Variants in CAMK2D observed in about 807,000 individuals in gnomAD.
The protein encoded by CAMK2D is calcium/calmodulin-dependent protein kinase type II subunit delta.
A neutral mutation model predicts 84.0 loss-of-function variants in CAMK2D; 37 were observed. The ratio of observed to expected loss-of-function variants is 0.44; its 90% CI spans 0.34 to 0.58. The LOEUF is 0.58. Ranked by LOEUF, CAMK2D falls within the 20% of genes least tolerant of loss-of-function variation. CAMK2D has a pLI of 0.02. For missense variants in CAMK2D, 448 were observed against 652.5 expected, an observed-to-expected ratio of 0.69 and a Z score of 3.41; for synonymous variants, 202 against 212.5, an observed-to-expected ratio of 0.95 and a Z score of 0.43.
At chr4:113,714,846 A>G (rs530711385) in intron 2 of CAMK2D, among the ~76,000 whole-genome samples, 1 of 152,300 alleles carries the variant, frequency 6.6e-6, no homozygotes, top group African/African-American at 2.4e-5. Context: ...TCTGTCTTAT[A>G]TCAGTACCAG....
intron 4 of CAMK2D, among the ~76,000 whole-genome samples, chr4:113,606,600 A>G (rs1009679609): frequency 6.6e-6 from 1 of 152,118 alleles, no homozygotes; most frequent in Non-Finnish European, 1.5e-5. Flanking sequence ...AGACTACGGG[A>G]AAACTACAAC....
intron 8 of CAMK2D, among the ~76,000 whole-genome samples, chr4:113,522,170 ATAAT>A (rs1217831951): frequency 2.6e-5 from 4 of 152,216 alleles, no homozygotes; most frequent in African/African-American, 9.6e-5. Context: ...AATCTTGTTA[ATAAT>A]TAAACATTCT....
intron 4 of CAMK2D, among the ~76,000 whole-genome samples, chr4:113,576,967 T>A (rs1159990161): frequency 6.6e-6 from 1 of 152,166 alleles, no homozygotes; most frequent in Non-Finnish European, 1.5e-5. Flanking sequence ...TTAGTATTCA[T>A]TTCATTTCAA....
At chr4:113,755,173 TACACACACAC>T (rs59818897) in intron 2 of CAMK2D, 13 of 163,724 alleles carry the variant, frequency 7.9e-5, no homozygotes, top group African/African-American at 1.1e-4. Flanking sequence ...TACTTAGGGA[TACACACACAC>T]ACACACACAC....
Position 113,513,752 on chromosome 4 carries a change from G to C in CAMK2D, c.903+78C>G, listed in dbSNP as rs56725993. ...TCTACATAATTGAAAGCCTTTGCTA[G>C]AAGTTATTTTCCTCACACAGTATTT... On this transcript the variant is annotated intron_variant, in intron 11 of 20. Coordinates refer to ENST00000511664, the MANE Select transcript of CAMK2D (RefSeq NM_001321571.2). 2.5e-3 allele frequency: 1,734 copies of C among 689,926 alleles called. 19 individuals carry two copies. The African/African-American group carries it at 0.028, about 11-fold the overall frequency. 42.7% of individuals were successfully genotyped at this position (689,926 alleles called of 1,614,324 possible).
At chr4:113,576,351 ATTAC>A (rs1165231813) in intron 4 of CAMK2D, among the ~76,000 whole-genome samples, 2 of 152,024 alleles carry the variant, frequency 1.3e-5, no homozygotes, top group African/African-American at 4.8e-5. Flanking sequence ...AACAGTCAGA[ATTAC>A]TTTAATGAAA....
intron 2 of CAMK2D, among the ~76,000 whole-genome samples, chr4:113,718,401 A>G (rs979523945): frequency 3.3e-4 from 50 of 152,288 alleles, no homozygotes; most frequent in Middle Eastern, 6.8e-3. Context: ...GGTGGCCACA[A>G]GACCAGATGA....
chr4:113,463,581 G>A (rs2097419851), intron 17 of CAMK2D, among the ~76,000 whole-genome samples: 1 of 152,126 alleles, frequency 6.6e-6, no homozygotes, highest in African/African-American at 2.4e-5. Context: ...TCTCCATGCT[G>A]GTCAGGCTGG....
At chr4:113,543,124 T>C (rs950234385) in intron 6 of CAMK2D, among the ~76,000 whole-genome samples, 8 of 152,220 alleles carry the variant, frequency 5.3e-5, no homozygotes, top group African/African-American at 1.9e-4. Context: ...ACACAGTTAT[T>C]TGAAAAAGCA....
chr4:113,641,438 A>G (rs1410023975), intron 3 of CAMK2D, among the ~76,000 whole-genome samples: 2 of 152,214 alleles, frequency 1.3e-5, no homozygotes, highest in Non-Finnish European at 1.5e-5. Flanking sequence ...AGTTGAGAAA[A>G]TTAAATAAGA....
At chr4:113,623,556 T>C (rs2099055613) in intron 3 of CAMK2D, among the ~76,000 whole-genome samples, 1 of 152,122 alleles carries the variant, frequency 6.6e-6, no homozygotes, top group Admixed American at 6.6e-5. Context: ...TATATGGTAG[T>C]GTATTTCTCC....
chr4:113,537,184 CA>C (rs111294531), intron 7 of CAMK2D, among the ~76,000 whole-genome samples, 156 bp downstream of exon 7: 3,722 of 152,122 alleles, frequency 0.024, 126 homozygotes, highest in African/African-American at 0.084. Flanking sequence ...TTTATGTCAA[CA>C]AAATTAAATG....
At chr4:113,729,669 T>C (rs1300513921) in intron 2 of CAMK2D, among the ~76,000 whole-genome samples, 1 of 152,192 alleles carries the variant, frequency 6.6e-6, no homozygotes, top group Non-Finnish European at 1.5e-5. Context: ...TGAAAGTCTG[T>C]GTCCCCTCAA....
At chr4:113,465,447 A>T (rs1156369054) in intron 17 of CAMK2D, 82 bp downstream of exon 17, 1 of 810,142 alleles carries the variant, frequency 1.2e-6, no homozygotes, top group Admixed American at 2.2e-5. Context: ...ATATATGTGA[A>T]TTCAGACATG....
chr4:113,655,523 A>T (rs1426773868), intron 3 of CAMK2D, among the ~76,000 whole-genome samples: 1 of 152,126 alleles, frequency 6.6e-6, no homozygotes, highest in Non-Finnish European at 1.5e-5. Context: ...ATAATGGGAA[A>T]CGCTTACCTT....
intron 3 of CAMK2D, among the ~76,000 whole-genome samples, chr4:113,622,839 T>C (rs2099051879): frequency 6.6e-6 from 1 of 152,232 alleles, no homozygotes; most frequent in South Asian, 2.1e-4. Context: ...AATGACATGA[T>C]GAAACACTGT....
At chr4:113,565,692 T>C (rs961845724) in intron 4 of CAMK2D, among the ~76,000 whole-genome samples, 1 of 150,046 alleles carries the variant, frequency 6.7e-6, no homozygotes. Flanking sequence ...AAACGAATAA[T>C]TGAACACACG....
rs369267820 is a variant in CAMK2D at position 113,494,673 on chromosome 4, T to C, written c.1135+5790A>G. Among the ~76,000 whole-genome samples, 29 of 152,332 alleles carry C rather than the reference T, an allele frequency of 1.9e-4. No homozygotes were observed. In the East Asian group the frequency reaches 4.2e-3, roughly 22 times the overall value. On this transcript the variant is annotated intron_variant, in intron 16 of 20. Coordinates refer to ENST00000511664, the MANE Select transcript of CAMK2D (RefSeq NM_001321571.2). ...TGAGCTGTGGTGGGCTCCACCCAGT[T>C]CGAGCTTCCCGGCTGCTTTGTTTAC...
At chr4:113,565,889 T>C (rs998174031) in intron 4 of CAMK2D, among the ~76,000 whole-genome samples, 1 of 152,132 alleles carries the variant, frequency 6.6e-6, no homozygotes, top group Non-Finnish European at 1.5e-5. Context: ...GAAAAAAAAT[T>C]AGTAGAGGCT....
Sources: allele counts gnomAD v4.1 joint callset (sites outside exome capture counted in the v4.1 genomes callset), GRCh38; gene constraint gnomAD v4.1.1; transcripts MANE v1.5; gene names NCBI Gene and HGNC (gene_info 2026-07-23, HGNC 2026-07-21).